Variants in POLR3C observed in about 807,000 individuals in gnomAD.
POLR3C encodes DNA-directed RNA polymerase III subunit RPC3.
Under a neutral mutation model 65.9 loss-of-function variants are expected in POLR3C, and 44 were observed. The ratio of observed to expected loss-of-function variants is 0.67; its 90% CI spans 0.52 to 0.86. The LOEUF is 0.86. Ranked by LOEUF, POLR3C falls within the 40% of genes least tolerant of loss-of-function variation. POLR3C has a pLI of 0.00. For missense variants in POLR3C, 576 were observed against 653.2 expected (o/e 0.88, Z 1.29); for synonymous variants, 263 against 231.6 (o/e 1.14, Z -1.23).
intron 13 of POLR3C, among the ~76,000 whole-genome samples, 189 bp from the exon 14 acceptor site, chr1:145,840,733 G>T (rs1248133825): frequency 6.6e-6 from 1 of 152,176 alleles, no homozygotes; most frequent in Non-Finnish European, 1.5e-5. Context: ...AAGTGCAAAT[G>T]AGAGGCAATA....
At chr1:145,837,949 G>T in intron 10 of POLR3C, 107 bp from the exon 11 acceptor site, 1 of 996,598 alleles carries the variant, frequency 1.0e-6, no homozygotes, top group East Asian at 2.4e-5. Flanking sequence ...CACTGTTCCT[G>T]TCTGGTACTG....
intron 14 of POLR3C, among the ~76,000 whole-genome samples, chr1:145,841,926 TATG>T: frequency 6.6e-6 from 1 of 152,290 alleles, no homozygotes; most frequent in East Asian, 1.9e-4. Context: ...CACCATTAAG[TATG>T]ATGTTAGCTG....
At chr1:145,834,161 G>A (rs1341618730) in intron 7 of POLR3C, among the ~76,000 whole-genome samples, 1 of 152,170 alleles carries the variant, frequency 6.6e-6, no homozygotes, top group Admixed American at 6.5e-5. Flanking sequence ...GTAGGCAGTT[G>A]TAACGCAGTA....
rs1650498972 is a variant in POLR3C at position 145,824,237 on chromosome 1, C to T, written c.-153C>T. 2 of 269,666 alleles carry T rather than the reference C, an allele frequency of 7.4e-6. No homozygotes were observed. Among genetic ancestry groups the T allele is most frequent in the Non-Finnish European group, 1.5e-5 (2 of 137,740 alleles). 16.7% of individuals were successfully genotyped at this position (269,666 alleles called of 1,614,324 possible). ...GCTTTTTGCTTTTCCGCGTCTTCTT[C>T]GGTGGCGATCCGCGTCCTAGAAAGG... On this transcript the variant is annotated 5_prime_UTR_variant, in exon 1 of 15. Transcript: ENST00000334163.
rs1254616045 is a variant in POLR3C, at chr1:145,826,495, G to A, written c.189G>A (p.Val63=). The change falls in exon 3 of 15, where the codon GTG becomes GTA. Residue 63 remains valine (V), a synonymous_variant. Coordinates refer to ENST00000334163, the MANE Select transcript of POLR3C (RefSeq NM_006468.8). ...GTGTCCTCGTCCAACATAACCTGGT[G>A]AGTTATCAAGTGCACAAACGTGGTG... ...ALCVLVQHNL[V]SYQVHKRGVV... is the part of the protein sequence containing the mutation. 3 of 1,613,526 alleles carry A rather than the reference G, an allele frequency of 1.9e-6. No individual in the cohort carries two copies. The highest frequency in any genetic ancestry group is 1.3e-5 in the African/African-American group (1 of 74,918).
intron 10 of POLR3C, 40 bp from the exon 11 acceptor site, chr1:145,838,016 C>A (rs1651989741): frequency 1.5e-5 from 24 of 1,599,476 alleles, no homozygotes; most frequent in Non-Finnish European, 2.1e-5. Context: ...TAAAGCTGAT[C>A]TATGTTAGCA....
chr1:145,840,468 G>A (rs1181491524), intron 13 of POLR3C: 4 of 334,580 alleles, frequency 1.2e-5, no homozygotes, highest in African/African-American at 8.5e-5. Context: ...TAAACCCAGT[G>A]AGTGGAGGTT....
Position 145,838,044 on chromosome 1 carries a change from A to G in POLR3C, c.1071-12A>G. On this transcript the variant is annotated splice_polypyrimidine_tract_variant and intron_variant, in intron 10 of 14. Coordinates refer to ENST00000334163, the MANE Select transcript of POLR3C (RefSeq NM_006468.8). The stretch of plus-strand genomic sequence containing the variant: ...TGTTAGCATGCCATTTGCTTTCTTC[A>G]TTCCTTTCCAGATTTGGGTCTCGCT... The G allele has an allele frequency of 6.2e-7, 1 of 1,613,520 alleles. No individual in the cohort carries two copies. Among genetic ancestry groups the G allele is most frequent in the Non-Finnish European group, 8.5e-7 (1 of 1,179,538 alleles).
At position 145,842,640 on chromosome 1, in the gene POLR3C, A is replaced by G; in HGVS notation, c.*220A>G. 1.7e-6 allele frequency: 1 copy of G among 588,484 alleles called. No homozygotes were observed. Among genetic ancestry groups the G allele is most frequent in the East Asian group, 2.9e-5 (1 of 34,582 alleles). The allele number at this position is 588,484 out of a possible 1,614,324, so 36.5% of individuals were successfully genotyped here. Reference sequence around the variant, plus strand: ...ATCTTGGCAGTGGGAAGAACCTTAAATCAACAAGGTTAATCATCTATCAGA... The same window carrying G: ...ATCTTGGCAGTGGGAAGAACCTTAAGTCAACAAGGTTAATCATCTATCAGA... On this transcript the variant is annotated 3_prime_UTR_variant, in exon 15 of 15. Transcript: ENST00000334163.
rs1559146898 is a variant in POLR3C, at chr1:145,833,325, C to T, written c.744C>T (p.Asp248=). 1.9e-6 allele frequency: 3 copies of T among 1,613,732 alleles called. No homozygotes were observed. Among genetic ancestry groups the T allele is most frequent in the Non-Finnish European group, 2.5e-6 (3 of 1,179,668 alleles). The part of the protein sequence containing the change: ...NLDRFHQHFR[D]QAIVSAVANR... ...ACAGATTCCACCAACACTTCCGTGA[C>T]CAAGCCATTGTGAGCGCAGTTGCTA... Residue 248 remains aspartate (D), a synonymous_variant, in exon 6 of 15, where the codon GAC becomes GAT. Transcript: ENST00000334163.
At position 145,839,885 on chromosome 1, in the gene POLR3C, A is replaced by G. The variant is rs1553729913; in HGVS notation, c.1222-5A>G. 6.6e-7 allele frequency: 1 copy of G among 1,518,328 alleles called. No homozygotes were observed. Among genetic ancestry groups the G allele is most frequent in the South Asian group, 1.1e-5 (1 of 88,998 alleles). The allele number at this position is 1,518,328 out of a possible 1,614,324, so 94.1% of individuals were successfully genotyped here. On this transcript the variant is annotated splice_region_variant and splice_polypyrimidine_tract_variant and intron_variant, in intron 11 of 14. Transcript: ENST00000334163. ...CTGCTATTTTTCTTTCTATTGGACAAATAGGAAATTCCCAAAACACCAGAC... is the reference window on the plus strand; with the variant it reads ...CTGCTATTTTTCTTTCTATTGGACAGATAGGAAATTCCCAAAACACCAGAC...
At chr1:145,827,862 C>T (rs1282810644) in intron 4 of POLR3C, among the ~76,000 whole-genome samples, 3 of 150,678 alleles carry the variant, frequency 2.0e-5, no homozygotes, top group Non-Finnish European at 3.0e-5. Flanking sequence ...CAGGAGACAG[C>T]GATTGCAGTG....
intron 5 of POLR3C, among the ~76,000 whole-genome samples, chr1:145,830,321 A>AC (rs200423882): frequency 1.3e-5 from 2 of 151,686 alleles, no homozygotes; most frequent in African/African-American, 4.8e-5. Context: ...AAAAAAAAAA[A>AC]CCCAGTTAGG....
In POLR3C at chr1:145,833,508, C is replaced by T; in HGVS notation, c.802C>T (p.Arg268Ter). ...CAAACAGACAAGCAGCGAGATTGTGCGAACCATGCTCCGAATGAGTGAGAT... is the reference window on the plus strand; with the variant it reads ...CAAACAGACAAGCAGCGAGATTGTGTGAACCATGCTCCGAATGAGTGAGAT... ...RMDQTSSEIVRTMLRMSEITT... is the reference protein window; with the variant it reads ...RMDQTSSEIV The change falls in exon 7 of 15, where the codon CGA becomes TGA. Residue 268 changes from arginine to a stop codon, truncating the protein, a stop_gained. Transcript: ENST00000334163. LOFTEE classifies it high-confidence loss of function. The T allele has an allele frequency of 4.3e-6, 7 of 1,613,140 alleles. No individual in the cohort carries two copies. The highest frequency in any genetic ancestry group is 5.9e-6 in the Non-Finnish European group (7 of 1,179,116).
chr1:145,825,766 T>C lies in POLR3C; in HGVS notation c.-11T>C. 1 of 1,603,716 alleles carries C rather than the reference T, an allele frequency of 6.2e-7. No homozygotes were observed. Among genetic ancestry groups the C allele is most frequent in the South Asian group, 1.1e-5 (1 of 89,166 alleles). ...GGTGTTTTTTCCCTAGCTCTCAGAC[T>C]CCCCAGTACAATGACTCAAGCAGAA... On this transcript the variant is annotated 5_prime_UTR_variant, in exon 2 of 15. Transcript: ENST00000334163.
chr1:145,833,867 C>T (rs587774322), intron 7 of POLR3C, among the ~76,000 whole-genome samples: 5 of 152,274 alleles, frequency 3.3e-5, no homozygotes, highest in African/African-American at 1.2e-4. Flanking sequence ...AGAGCCTTGG[C>T]ATTCAGGACA....
intron 5 of POLR3C, among the ~76,000 whole-genome samples, chr1:145,829,321 C>T (rs1415025455): frequency 2.0e-5 from 3 of 152,160 alleles, no homozygotes; most frequent in African/African-American, 7.2e-5. Context: ...GTAGGCCAGC[C>T]GCCTAGGACA....
rs587682041 is a variant in POLR3C at position 145,842,579 on chromosome 1, A to G, written c.*159A>G. 7.7e-5 allele frequency: 51 copies of G among 660,752 alleles called. No individual in the cohort carries two copies. The highest frequency in any genetic ancestry group is 7.2e-4 in the South Asian group (42 of 58,420). The allele number at this position is 660,752 out of a possible 1,614,324, so 40.9% of individuals were successfully genotyped here. ...CAGGATACACCTGAAAGAATTTGGC[A>G]TATTTAGATCCATTGCTGTAGTCTC... On this transcript the variant is annotated 3_prime_UTR_variant, in exon 15 of 15. Transcript: ENST00000334163.
intron 10 of POLR3C, 133 bp from the exon 11 acceptor site, chr1:145,837,923 A>T: frequency 1.3e-6 from 1 of 771,704 alleles, no homozygotes. Context: ...ATGGAGCTGT[A>T]GAATAATTTT....
Sources: allele counts gnomAD v4.1 joint callset (sites outside exome capture counted in the v4.1 genomes callset), GRCh38; gene constraint gnomAD v4.1.1; transcripts MANE v1.5; gene names NCBI Gene and HGNC (gene_info 2026-07-23, HGNC 2026-07-21).